The following PLEKHA5 variants were observed in gnomAD, a reference collection of about 807,000 sequenced individuals.
PLEKHA5 encodes pleckstrin homology domain-containing family A member 5.
PLEKHA5 carries 55 observed loss-of-function variants against 181.9 expected under a neutral mutation model. That is an observed-to-expected ratio of 0.30 (90% CI 0.24 to 0.38). The LOEUF (loss-of-function observed/expected upper bound fraction) is 0.38. Ranked by LOEUF, PLEKHA5 falls within the 10% of genes least tolerant of loss-of-function variation. The pLI is 1.00. For missense variants in PLEKHA5, 1,432 were observed against 1,549.5 expected, an observed-to-expected ratio of 0.92 and a Z score of 1.27; for synonymous variants, 535 against 529.4, an observed-to-expected ratio of 1.01 and a Z score of -0.15.
chr12:19,189,587 T>C (rs2050623344), intron 3 of PLEKHA5, among the ~76,000 whole-genome samples: 1 of 152,076 alleles, frequency 6.6e-6, no homozygotes, highest in South Asian at 2.1e-4. Context: ...AGATTCGTTT[T>C]TGGTAGGTTA....
At chr12:19,312,109 C>G (rs1043993984) in intron 15 of PLEKHA5, among the ~76,000 whole-genome samples, 1 of 152,164 alleles carries the variant, frequency 6.6e-6, no homozygotes, top group Non-Finnish European at 1.5e-5. Flanking sequence ...TGAAAGGAAT[C>G]TTTCTTTCTG....
chr12:19,211,589 G>T (rs1163455516), intron 3 of PLEKHA5, among the ~76,000 whole-genome samples: 2 of 152,082 alleles, frequency 1.3e-5, no homozygotes, highest in East Asian at 1.9e-4. Flanking sequence ...ATGAATTCTG[G>T]CCTCTAGAGC....
intron 3 of PLEKHA5, among the ~76,000 whole-genome samples, chr12:19,230,305 G>A (rs756699528): frequency 6.6e-6 from 1 of 152,222 alleles, no homozygotes; most frequent in South Asian, 2.1e-4. Context: ...TTCACCTAGT[G>A]GATCCCGCAC....
At chr12:19,199,287 A>G (rs2152053394) in intron 3 of PLEKHA5, among the ~76,000 whole-genome samples, 1 of 152,174 alleles carries the variant, frequency 6.6e-6, no homozygotes, top group Non-Finnish European at 1.5e-5. Flanking sequence ...TCTTTTTTTG[A>G]AAAAATGCCT....
intron 5 of PLEKHA5, among the ~76,000 whole-genome samples, chr12:19,255,986 G>A (rs917898668): frequency 2.0e-5 from 3 of 151,056 alleles, no homozygotes; most frequent in African/African-American, 7.3e-5. Context: ...TCAACCACAC[G>A]TAATTATTAT....
chr12:19,327,522 G>A (rs2092336621), intron 20 of PLEKHA5, among the ~76,000 whole-genome samples: 1 of 151,308 alleles, frequency 6.6e-6, no homozygotes, highest in East Asian at 1.9e-4. Flanking sequence ...TAGTTTGCGA[G>A]TATTTTCTCT....
At chr12:19,167,436 C>CTTTTTTTTTTTTTTTTTTTTTTTTTTT (rs1555230969) in intron 3 of PLEKHA5, among the ~76,000 whole-genome samples, 73 of 48,578 alleles carry the variant, frequency 1.5e-3, no homozygotes, top group African/African-American at 2.1e-3. Flanking sequence ...TTTTTTTTTG[C>CTTTTTTTTTTTTTTTTTTTTTTTTTTT]TTTGGAAGCA....
intron 3 of PLEKHA5, among the ~76,000 whole-genome samples, chr12:19,245,821 G>A (rs780014869): frequency 4.6e-5 from 7 of 150,970 alleles, no homozygotes; most frequent in Non-Finnish European, 7.4e-5. Flanking sequence ...TTGGGCTTGA[G>A]AGGATGCCTA....
chr12:19,309,372 ACTCAT>A (rs1051346185), intron 15 of PLEKHA5, among the ~76,000 whole-genome samples: 2 of 151,920 alleles, frequency 1.3e-5, no homozygotes, highest in Non-Finnish European at 2.9e-5. Context: ...GAAAAAAAAA[ACTCAT>A]CTCTTGCCCT....
chr12:19,168,566 CTG>C (rs755599777), intron 3 of PLEKHA5, among the ~76,000 whole-genome samples: 193 of 101,862 alleles, frequency 1.9e-3, no homozygotes, highest in Non-Finnish European at 4.0e-3. Flanking sequence ...GTATTTTTGC[CTG>C]TGTTTGAATA....
At chr12:19,321,328 A>G (rs1242260852) in intron 18 of PLEKHA5, among the ~76,000 whole-genome samples, 4 of 127,854 alleles carry the variant, frequency 3.1e-5, no homozygotes, top group Admixed American at 1.6e-4. Context: ...TTCACTCATT[A>G]TACCCCCTTT....
intron 15 of PLEKHA5, among the ~76,000 whole-genome samples, chr12:19,293,474 T>C (rs1331559738): frequency 2.0e-5 from 3 of 152,194 alleles, no homozygotes; most frequent in Non-Finnish European, 4.4e-5. Context: ...TTATGCACTT[T>C]GTATATTATG....
chr12:19,340,999 C>CTTTGTGGCGTATGCCTGTGGCACAA (rs2093882083), intron 21 of PLEKHA5, among the ~76,000 whole-genome samples: 1 of 150,688 alleles, frequency 6.6e-6, no homozygotes, highest in East Asian at 1.9e-4. Context: ...TGGCTGGGCA[C>CTTTGTGGCGTATGCCTGTGGCACAA]AGTGGCGTAT....
chr12:19,318,566 G>C (rs2089774826), intron 16 of PLEKHA5, among the ~76,000 whole-genome samples: 1 of 152,080 alleles, frequency 6.6e-6, no homozygotes, highest in Non-Finnish European at 1.5e-5. Flanking sequence ...ATGAAACACT[G>C]TCTGCTAGTT....
At chr12:19,279,814 G>A (rs757467931) in intron 11 of PLEKHA5, among the ~76,000 whole-genome samples, 2 of 151,906 alleles carry the variant, frequency 1.3e-5, no homozygotes, top group African/African-American at 2.4e-5. Context: ...AAACTTGGCT[G>A]TCTTGATTTT....
chr12:19,196,207 A>G (rs181390548), intron 3 of PLEKHA5, among the ~76,000 whole-genome samples: 3 of 152,322 alleles, frequency 2.0e-5, no homozygotes, highest in African/African-American at 4.8e-5. Flanking sequence ...AACAAAGATT[A>G]TATTTTATAT....
intron 3 of PLEKHA5, among the ~76,000 whole-genome samples, chr12:19,162,212 G>T (rs1202244763): frequency 6.6e-6 from 1 of 152,000 alleles, no homozygotes; most frequent in Non-Finnish European, 1.5e-5. Flanking sequence ...GTATGTTAGG[G>T]GCTGTCTTCA....
chr12:19,358,207 A>G (rs1407992831), intron 26 of PLEKHA5, 21 bp from the exon 27 acceptor site: 2 of 1,522,236 alleles, frequency 1.3e-6, no homozygotes, highest in Non-Finnish European at 1.8e-6. Flanking sequence ...ATGTATTGAT[A>G]TGTTCATTTT....
chr12:19,231,447 T>C (rs1305175603), intron 3 of PLEKHA5, among the ~76,000 whole-genome samples: 1 of 131,298 alleles, frequency 7.6e-6, no homozygotes, highest in East Asian at 2.1e-4. Flanking sequence ...GTGCAATTTT[T>C]GTCCATTTTA....
Sources: allele counts gnomAD v4.1 joint callset (sites outside exome capture counted in the v4.1 genomes callset), GRCh38; gene constraint gnomAD v4.1.1; transcripts MANE v1.5; gene names NCBI Gene and HGNC (gene_info 2026-07-23, HGNC 2026-07-21).